The following TMEM132D variants were observed in gnomAD, a reference collection of about 807,000 sequenced individuals.
The protein encoded by TMEM132D is mature OL transmembrane protein.
A neutral mutation model predicts 62.3 loss-of-function variants in TMEM132D; 21 were observed. The observed-to-expected ratio is 0.34, with a 90% CI of 0.24 to 0.49. The LOEUF (loss-of-function observed/expected upper bound fraction) is 0.49. Among genes scored for constraint, TMEM132D ranks in the 20% least tolerant of loss-of-function variants. The pLI is 0.99. For missense variants in TMEM132D, 1,346 were observed against 1,402.8 expected (o/e 0.96, Z 0.65); for synonymous variants, 621 against 575.6 (o/e 1.08, Z -1.13).
intron 4 of TMEM132D, among the ~76,000 whole-genome samples, chr12:129,314,931 T>C (rs1302765434): frequency 6.6e-6 from 1 of 152,152 alleles, no homozygotes; most frequent in East Asian, 1.9e-4. Flanking sequence ...GAGTTCTTGA[T>C]TTGATTCTCC....
At chr12:129,389,147 T>C (rs1454041743) in intron 3 of TMEM132D, among the ~76,000 whole-genome samples, 3 of 151,672 alleles carry the variant, frequency 2.0e-5, no homozygotes, top group East Asian at 3.9e-4. Context: ...CGAATCCTAA[T>C]ATAAACACTA....
intron 3 of TMEM132D, among the ~76,000 whole-genome samples, chr12:129,472,011 A>C (rs1293988412): frequency 6.6e-6 from 1 of 152,234 alleles, no homozygotes; most frequent in East Asian, 1.9e-4. Context: ...TCCATGACAT[A>C]AAAGTGCAAA....
intron 2 of TMEM132D, among the ~76,000 whole-genome samples, chr12:129,585,907 A>G (rs1264173025): frequency 6.6e-6 from 1 of 151,934 alleles, no homozygotes; most frequent in Non-Finnish European, 1.5e-5. Flanking sequence ...GAAAGCGAAA[A>G]ATATTTGGGA....
intron 5 of TMEM132D, among the ~76,000 whole-genome samples, chr12:129,161,685 C>T (rs1468462464): frequency 6.6e-6 from 1 of 152,194 alleles, no homozygotes; most frequent in Non-Finnish European, 1.5e-5. Context: ...CTCGTGCCAG[C>T]CTCTCCCCTG....
intron 2 of TMEM132D, among the ~76,000 whole-genome samples, chr12:129,692,726 C>T (rs989127582): frequency 2.0e-5 from 3 of 152,184 alleles, no homozygotes; most frequent in African/African-American, 7.2e-5. Context: ...AAGCCATTAT[C>T]CTTAGCAAAC....
chr12:129,530,363 A>G (rs1356304147), intron 3 of TMEM132D, among the ~76,000 whole-genome samples: 1 of 152,190 alleles, frequency 6.6e-6, no homozygotes, highest in African/African-American at 2.4e-5. Context: ...AAAGCAACAT[A>G]CAGGTGACAA....
At chr12:129,818,948 T>A (rs554852248) in intron 1 of TMEM132D, among the ~76,000 whole-genome samples, 3 of 152,022 alleles carry the variant, frequency 2.0e-5, no homozygotes, top group African/African-American at 7.2e-5. Context: ...GGTGGGAGGA[T>A]TGCTTGAACC....
At chr12:129,189,909 G>A (rs916444341) in intron 5 of TMEM132D, among the ~76,000 whole-genome samples, 8 of 152,248 alleles carry the variant, frequency 5.3e-5, no homozygotes, top group African/African-American at 1.9e-4. Flanking sequence ...AGATGGGGAA[G>A]CTATCCTGAT....
intron 4 of TMEM132D, among the ~76,000 whole-genome samples, chr12:129,221,638 TTTC>T (rs1435750287): frequency 1.3e-5 from 2 of 152,180 alleles, no homozygotes; most frequent in African/African-American, 4.8e-5. Context: ...CTCACATCCC[TTTC>T]TTCCTCAATG....
intron 2 of TMEM132D, among the ~76,000 whole-genome samples, chr12:129,637,585 G>A (rs1022995359): frequency 1.3e-5 from 2 of 152,118 alleles, no homozygotes; most frequent in Admixed American, 1.3e-4. Flanking sequence ...TGCCTGCTCC[G>A]GCTTTGCCTT....
At chr12:129,877,603 G>GCA (rs1360764469) in intron 1 of TMEM132D, among the ~76,000 whole-genome samples, 20 of 88,806 alleles carry the variant, frequency 2.3e-4, no homozygotes, top group Non-Finnish European at 4.8e-4. Context: ...TTAACCAAAC[G>GCA]CGCGCGCGCG....
At chr12:129,813,250 T>C (rs1872242129) in intron 1 of TMEM132D, among the ~76,000 whole-genome samples, 1 of 151,746 alleles carries the variant, frequency 6.6e-6, no homozygotes, top group South Asian at 2.1e-4. Context: ...GTTGCTAAAA[T>C]GCGTCACTGG....
chr12:129,611,207 T>A (rs187784325), intron 2 of TMEM132D, among the ~76,000 whole-genome samples: 6 of 152,338 alleles, frequency 3.9e-5, no homozygotes, highest in African/African-American at 1.4e-4. Flanking sequence ...GAACATCCTA[T>A]GAGGTAGGTA....
intron 1 of TMEM132D, among the ~76,000 whole-genome samples, chr12:129,830,843 A>C (rs1218580105): frequency 6.6e-6 from 1 of 152,176 alleles, no homozygotes; most frequent in Non-Finnish European, 1.5e-5. Flanking sequence ...CAGGAGTTTC[A>C]ATAATTGGTG....
At chr12:129,481,379 C>T (rs1327786643) in intron 3 of TMEM132D, among the ~76,000 whole-genome samples, 1 of 150,756 alleles carries the variant, frequency 6.6e-6, no homozygotes, top group African/African-American at 2.4e-5. Flanking sequence ...GGGAGGATCA[C>T]TTGAGCCTGG....
intron 1 of TMEM132D, among the ~76,000 whole-genome samples, chr12:129,755,670 T>C: frequency 6.6e-6 from 1 of 152,212 alleles, no homozygotes; most frequent in East Asian, 1.9e-4. Context: ...TAGCACCCTG[T>C]CATTAGTTTA....
intron 5 of TMEM132D, among the ~76,000 whole-genome samples, chr12:129,103,164 A>T (rs1875370938): frequency 6.6e-6 from 1 of 152,188 alleles, no homozygotes; most frequent in African/African-American, 2.4e-5. Flanking sequence ...GGAAATTAGA[A>T]GGAGGCCTCC....
chr12:129,522,618 T>C (rs570618800), intron 3 of TMEM132D: 29 of 152,236 alleles, frequency 1.9e-4, no homozygotes, highest in African/African-American at 6.7e-4. Context: ...TCAAAGGAAA[T>C]GGCTGTCGCA....
At chr12:129,137,739 T>C (rs1876626318) in intron 5 of TMEM132D, among the ~76,000 whole-genome samples, 1 of 151,920 alleles carries the variant, frequency 6.6e-6, no homozygotes, top group Non-Finnish European at 1.5e-5. Context: ...GGAGGCATGA[T>C]GGCTATCTTG....
Sources: gnomAD v4.1 joint callset for allele counts (sites outside exome capture counted in the v4.1 genomes callset) on GRCh38, gnomAD v4.1.1 for gene constraint, MANE v1.5 for transcripts, NCBI Gene and HGNC (gene_info 2026-07-23, HGNC 2026-07-21) for gene names.